Variants in POM121 observed in about 807,000 individuals in gnomAD.
The protein encoded by POM121 is POM121 transmembrane nucleoporin, also known as nuclear envelope pore membrane protein POM 121.
In POM121, 32 loss-of-function variants were observed where a neutral mutation model predicts 81.3. The observed-to-expected ratio is 0.39, with a 90% CI of 0.30 to 0.53. POM121 has a LOEUF of 0.53. POM121 is among the 20% of genes least tolerant of loss of function. POM121 has a pLI of 0.66. For missense variants in POM121, 1,138 were observed against 1,614.6 expected (o/e 0.70, Z 5.06); for synonymous variants, 514 against 694.2 (o/e 0.74, Z 4.08).
chr7:72,949,975 C>A, downstream of POM121: 1 of 1,607,404 alleles, frequency 6.2e-7, no homozygotes, highest in Non-Finnish European at 8.5e-7. Flanking sequence ...GCAGGCAGAA[C>A]ACAGGGGCCG....
intron 3 of POM121, among the ~76,000 whole-genome samples, chr7:72,909,787 A>G (rs1183280556): frequency 1.3e-5 from 2 of 152,192 alleles, no homozygotes; most frequent in Non-Finnish European, 2.9e-5. Context: ...AGCTGGGACC[A>G]GCGGTACACA....
intron 3 of POM121, among the ~76,000 whole-genome samples, chr7:72,899,263 G>A (rs1554492260): frequency 6.6e-6 from 1 of 152,084 alleles, no homozygotes; most frequent in Non-Finnish European, 1.5e-5. Flanking sequence ...GGGAGTACAG[G>A]CGTGAGCCAC....
chr7:72,923,113 A>AC (rs376744233), upstream of POM121, among the ~76,000 whole-genome samples: 10,525 of 80,870 alleles, frequency 0.13, 481 homozygotes, highest in African/African-American at 0.15. Context: ...CTCCCCCCCA[A>AC]CCCCCCCCCC....
downstream of POM121, chr7:72,948,880 C>T: frequency 3.1e-6 from 5 of 1,608,834 alleles, no homozygotes; most frequent in Non-Finnish European, 4.3e-6. Context: ...GACCCTGGCG[C>T]ACGCCCTGTA....
intron 3 of POM121, among the ~76,000 whole-genome samples, chr7:72,894,282 A>C (rs1554491343): frequency 6.6e-6 from 1 of 151,368 alleles, no homozygotes; most frequent in Non-Finnish European, 1.5e-5. Context: ...AGAAATAAAT[A>C]AATAAAGACT....
At chr7:72,914,611 C>T (rs570798395) in intron 4 of POM121, among the ~76,000 whole-genome samples, 10 of 151,816 alleles carry the variant, frequency 6.6e-5, no homozygotes, top group East Asian at 1.9e-4. Flanking sequence ...TGGCCTCAAG[C>T]GATCCTCCTA....
At chr7:72,948,836 G>GT, downstream of POM121, 1 of 1,551,018 alleles carries the variant, frequency 6.4e-7, no homozygotes, top group Non-Finnish European at 8.9e-7. Context: ...CCAATGCTGG[G>GT]TAAGAGAGCA....
At chr7:72,924,943 G>A (rs1795200550), upstream of POM121, 2 of 1,131,116 alleles carry the variant, frequency 1.8e-6, no homozygotes, top group Non-Finnish European at 2.3e-6. Flanking sequence ...AAAACCTCAA[G>A]AGTCAGAAAC....
At chr7:72,924,622 C>T (rs1205404920), upstream of POM121, 2 of 154,108 alleles carry the variant, frequency 1.3e-5, no homozygotes, top group Non-Finnish European at 2.9e-5. Flanking sequence ...AGACCGTTAA[C>T]TTTAGCATAG....
In POM121 at chr7:72,945,715, A is replaced by C. The variant is rs1797621376; in HGVS notation, c.3652+7A>C. On this transcript the variant is annotated splice_region_variant and intron_variant, in intron 12 of 12. Coordinates refer to ENST00000434423, the MANE Select transcript of POM121 (RefSeq NM_001387691.1). ...GTTGGTGTTGCACCTTTCGGTAAGC[A>C]GCAAGCCACCCTGTGGCCCTGCTCA... is the stretch of plus-strand genomic sequence containing the variant. 6.2e-7 allele frequency: 1 copy of C among 1,607,126 alleles called. No individual in the cohort carries two copies. Among genetic ancestry groups the C allele is most frequent in the African/African-American group, 1.3e-5 (1 of 74,734 alleles).
At chr7:72,941,405 C>T (rs1206741932) in intron 10 of POM121, among the ~76,000 whole-genome samples, 5 of 149,602 alleles carry the variant, frequency 3.3e-5, no homozygotes, top group African/African-American at 7.4e-5. Flanking sequence ...CAGGCCTTCA[C>T]GGCACTGCGC....
chr7:72,883,956 C>T (rs531626099), intron 1 of POM121, among the ~76,000 whole-genome samples: 2 of 152,092 alleles, frequency 1.3e-5, no homozygotes, highest in Admixed American at 6.6e-5. Context: ...CACTCTGTCA[C>T]CCAGGCTGGC....
intron 4 of POM121, among the ~76,000 whole-genome samples, chr7:72,914,956 T>C (rs1358055709): frequency 2.6e-5 from 4 of 152,196 alleles, no homozygotes; most frequent in Non-Finnish European, 5.9e-5. Flanking sequence ...CAACTGACTT[T>C]CTGCCACATT....
intron 1 of POM121, among the ~76,000 whole-genome samples, chr7:72,884,011 T>C (rs1790426997): frequency 6.6e-6 from 1 of 152,104 alleles, no homozygotes; most frequent in Non-Finnish European, 1.5e-5. Flanking sequence ...GCTCAAGTGA[T>C]CCTCCCACTT....
At chr7:72,899,328 T>C (rs1460083705) in intron 3 of POM121, among the ~76,000 whole-genome samples, 2 of 152,032 alleles carry the variant, frequency 1.3e-5, no homozygotes, top group African/African-American at 2.4e-5. Context: ...TCCTCACACA[T>C]AGGTAGGTGC....
chr7:72,934,419 C>T (rs183725006), intron 5 of POM121, among the ~76,000 whole-genome samples: 11 of 152,292 alleles, frequency 7.2e-5, no homozygotes, highest in East Asian at 3.9e-4. Context: ...GATTTGAATA[C>T]GCTCTTTATA....
At chr7:72,894,493 G>T (rs1372039462) in intron 3 of POM121, among the ~76,000 whole-genome samples, 3 of 151,548 alleles carry the variant, frequency 2.0e-5, no homozygotes, top group Admixed American at 6.6e-5. Flanking sequence ...CAGGAGAATC[G>T]CTTGAACCTG....
Position 72,943,496 on chromosome 7 carries a change from C to G in POM121, c.3503C>G (p.Thr1168Arg), listed in dbSNP as rs782188803. The change falls in exon 11 of 13, where the codon ACA (threonine) becomes AGA (arginine). Residue 1168 changes from threonine (T) to arginine (R), a missense_variant. This residue lies in a region of POM121 where 336 missense variants were observed against 344.3 expected (regional missense o/e 0.98). Coordinates refer to ENST00000434423, the MANE Select transcript of POM121 (RefSeq NM_001387691.1). ...STPFAFNVSSTTESKPVFGGT... is the reference protein window; with the variant it reads ...STPFAFNVSSRTESKPVFGGT... ...CCGTTTGCCTTCAACGTGAGCAGCACAACTGAGAGCAAACCTGTGTTTGGA... is the reference window on the plus strand; with the variant it reads ...CCGTTTGCCTTCAACGTGAGCAGCAGAACTGAGAGCAAACCTGTGTTTGGA... The G allele has an allele frequency of 6.2e-7, 1 of 1,612,384 alleles. No individual in the cohort carries two copies. The highest frequency in any genetic ancestry group is 8.5e-7 in the Non-Finnish European group (1 of 1,179,844).
At chr7:72,893,839 G>A (rs1366331775) in intron 3 of POM121, among the ~76,000 whole-genome samples, 10 of 152,116 alleles carry the variant, frequency 6.6e-5, no homozygotes, top group African/African-American at 1.7e-4. Flanking sequence ...CCACTCCTTC[G>A]ATGAAACTCA....
Sources: allele counts gnomAD v4.1 joint callset (sites outside exome capture counted in the v4.1 genomes callset), GRCh38; gene constraint gnomAD v4.1.1; regional missense constraint gnomAD v4.1.1; transcripts MANE v1.5; gene names NCBI Gene and HGNC (gene_info 2026-07-23, HGNC 2026-07-21).